SLC6A4: variants seen among roughly 807,000 people sequenced by gnomAD.
SLC6A4 encodes the protein solute carrier family 6 member 4, also known as sodium-dependent serotonin transporter.
A neutral mutation model predicts 73.4 loss-of-function variants in SLC6A4; 22 were observed. The observed-to-expected ratio is 0.30, with a 90% CI of 0.21 to 0.43. SLC6A4 has a LOEUF of 0.43. SLC6A4 is among the 20% of genes least tolerant of loss of function. The pLI is 1.00. For missense variants in SLC6A4, 593 were observed against 808.5 expected (o/e 0.73, Z 3.23); for synonymous variants, 270 against 315.5 (o/e 0.86, Z 1.53).
chr17:30,227,369 A>C (rs1282274827), intron 1 of SLC6A4, among the ~76,000 whole-genome samples: 1 of 151,950 alleles, frequency 6.6e-6, no homozygotes, highest in Non-Finnish European at 1.5e-5. Flanking sequence ...TTTTTTGGAC[A>C]AAAAGGGTAG....
intron 6 of SLC6A4, 67 bp downstream of exon 6, chr17:30,217,099 G>A: frequency 7.0e-7 from 1 of 1,431,090 alleles, no homozygotes; most frequent in Non-Finnish European, 9.7e-7. Context: ...CCAGGCTACT[G>A]GGTTTTGAGT....
At chr17:30,219,961 T>C (rs1359543900) in intron 3 of SLC6A4, among the ~76,000 whole-genome samples, 1 of 152,176 alleles carries the variant, frequency 6.6e-6, no homozygotes, top group Admixed American at 6.5e-5. Context: ...TTGATCAGCT[T>C]TACGCTGGGG....
At position 30,198,271 on chromosome 17, in the gene SLC6A4, G is replaced by T; in HGVS notation, c.*185C>A. 1 of 527,624 alleles carries T rather than the reference G, an allele frequency of 1.9e-6. No individual in the cohort carries two copies. Among genetic ancestry groups the T allele is most frequent in the Admixed American group, 3.6e-5 (1 of 27,428 alleles). 32.7% of individuals were successfully genotyped at this position (527,624 alleles called of 1,614,324 possible). A position where few individuals can be genotyped will look rare whatever the true frequency, so the allele number is the denominator to read the frequency against. ...GTCTACCATGGGAATATGTCCAGGG[G>T]AATCCATGGAAATAAGTGGCTGGAG... On this transcript the variant is annotated 3_prime_UTR_variant, in exon 15 of 15. Coordinates refer to ENST00000650711, the MANE Select transcript of SLC6A4 (RefSeq NM_001045.6).
rs763174560 is a variant in SLC6A4 at position 30,199,899 on chromosome 17, C to CT, written c.1819-1370dup. 1.7e-3 allele frequency among the ~76,000 whole-genome samples: 242 copies of CT among 142,138 alleles called. 1 individual carries two copies. The highest frequency in any genetic ancestry group is 0.011 in the Middle Eastern group (3 of 282). 93.2% of individuals were successfully genotyped at this position (142,138 alleles called of 152,430 possible). ...TAGACAGAGATCACTATAACGAGTC[C>CT]TTTTTTTTTTTTTTTAAGAGTCAGG... On this transcript the variant is annotated intron_variant, in intron 14 of 14. Transcript: ENST00000650711.
In SLC6A4 at chr17:30,216,229, A is replaced by G; in HGVS notation, c.838-13T>C. Reference sequence around the variant, plus strand: ...TCACCCACACCACCTGTAAGGAAGAAGGGTTATCACCATGCTGTTCCAGGG... The same window carrying G: ...TCACCCACACCACCTGTAAGGAAGAGGGGTTATCACCATGCTGTTCCAGGG... On this transcript the variant is annotated splice_polypyrimidine_tract_variant and intron_variant, in intron 6 of 14. Coordinates refer to ENST00000650711, the MANE Select transcript of SLC6A4 (RefSeq NM_001045.6). 8.6e-7 allele frequency: 1 copy of G among 1,168,582 alleles called. No individual in the cohort carries two copies. The highest frequency in any genetic ancestry group is 1.2e-6 in the Non-Finnish European group (1 of 852,960). 72.4% of individuals were successfully genotyped at this position (1,168,582 alleles called of 1,614,324 possible).
intron 8 of SLC6A4, 98 bp downstream of exon 8, chr17:30,215,513 G>C: frequency 1.0e-6 from 1 of 981,240 alleles, no homozygotes; most frequent in Non-Finnish European, 1.6e-6. Flanking sequence ...CCTAAGCCTG[G>C]CCAGATTCGA....
intron 13 of SLC6A4, among the ~76,000 whole-genome samples, chr17:30,207,477 T>A (rs1906243644): frequency 6.6e-6 from 1 of 152,156 alleles, no homozygotes; most frequent in South Asian, 2.1e-4. Context: ...AACCTCCGCC[T>A]CCTGGGTTCA....
chr17:30,213,575 T>A (rs2143014546), intron 8 of SLC6A4, among the ~76,000 whole-genome samples: 1 of 152,080 alleles, frequency 6.6e-6, no homozygotes, highest in East Asian at 1.9e-4. Flanking sequence ...AACTGCAGGG[T>A]GGTGTCCCAG....
chr17:30,231,168 C>T (rs187757748), intron 1 of SLC6A4, among the ~76,000 whole-genome samples: 27 of 152,052 alleles, frequency 1.8e-4, no homozygotes, highest in African/African-American at 5.1e-4. Context: ...GCTGTGGTTA[C>T]GTACAAGAAG....
chr17:30,210,573 C>T lies in SLC6A4; in HGVS notation c.1391G>A (p.Arg464Gln), dbSNP rs200180716. 2.1e-5 allele frequency: 34 copies of T among 1,613,730 alleles called. No individual in the cohort carries two copies. Among genetic ancestry groups the T allele is most frequent in the South Asian group, 9.9e-5 (9 of 91,040 alleles). The change falls in exon 11 of 15, where the codon CGG becomes CAG. Residue 464 changes from arginine to glutamine, a missense_variant. Physicochemically the swap from Arg to Gln is conservative, Grantham distance 43 (BLOSUM62 1). Transcript: ENST00000650711. ...GGTGATGACCACGGCGAGCACGAACCGCTCCCGGCGCTTGGCCCAGACGTG... is the reference window on the plus strand; with the variant it reads ...GGTGATGACCACGGCGAGCACGAACTGCTCCCGGCGCTTGGCCCAGACGTG... ...FPHVWAKRRE[R>Q]FVLAVVITCF... is the part of the protein sequence containing the mutation.
chr17:30,227,200 C>T (rs1490289891), intron 1 of SLC6A4, among the ~76,000 whole-genome samples: 1 of 152,232 alleles, frequency 6.6e-6, no homozygotes, highest in African/African-American at 2.4e-5. Flanking sequence ...AAAATGGGGG[C>T]TCACGTTTGC....
At chr17:30,218,439 G>A (rs1906649471) in intron 4 of SLC6A4, 102 bp from the exon 5 acceptor site, 1 of 840,864 alleles carries the variant, frequency 1.2e-6, no homozygotes, top group African/African-American at 1.7e-5. Context: ...CCCAGCAGAG[G>A]GGTACACGTG....
At chr17:30,229,141 A>G (rs1353553615) in intron 1 of SLC6A4, among the ~76,000 whole-genome samples, 1 of 152,216 alleles carries the variant, frequency 6.6e-6, no homozygotes, top group Non-Finnish European at 1.5e-5. Flanking sequence ...CTGCCTTAAC[A>G]GTCATTTTCA....
intron 10 of SLC6A4, 42 bp from the exon 11 acceptor site, chr17:30,210,688 C>A: frequency 6.3e-7 from 1 of 1,587,904 alleles, no homozygotes; most frequent in Non-Finnish European, 8.6e-7. Context: ...GGCTTTGGGA[C>A]AAGGCTGTGG....
chr17:30,230,096 GA>G (rs1907052514), intron 1 of SLC6A4, among the ~76,000 whole-genome samples: 1 of 112,072 alleles, frequency 8.9e-6, no homozygotes, highest in Non-Finnish European at 1.8e-5. Flanking sequence ...AGAAGAAGAA[GA>G]GGAGGAAGAG....
At chr17:30,205,985 T>C (rs1442847232) in intron 13 of SLC6A4, 1 of 152,174 alleles carries the variant, frequency 6.6e-6, no homozygotes, top group Non-Finnish European at 1.5e-5. Context: ...ATTTTTGTAT[T>C]TTTAGTAAAG....
intron 3 of SLC6A4, among the ~76,000 whole-genome samples, chr17:30,220,646 C>G (rs1165955331): frequency 2.0e-5 from 3 of 152,242 alleles, no homozygotes; most frequent in Non-Finnish European, 2.9e-5. Flanking sequence ...TGACCTCACA[C>G]AGGTCCAAAG....
intron 13 of SLC6A4, among the ~76,000 whole-genome samples, chr17:30,205,406 C>T (rs1906161740): frequency 6.6e-6 from 1 of 152,074 alleles, no homozygotes; most frequent in South Asian, 2.1e-4. Context: ...CTTTGAAAAA[C>T]AAATAAAAAT....
chr17:30,213,700 A>G (rs2143014561), intron 8 of SLC6A4, among the ~76,000 whole-genome samples: 1 of 151,956 alleles, frequency 6.6e-6, no homozygotes, highest in Non-Finnish European at 1.5e-5. Flanking sequence ...GCCATCTGTG[A>G]TCAATTAAAA....
Sources: gnomAD v4.1 joint callset for allele counts (sites outside exome capture counted in the v4.1 genomes callset) on GRCh38, gnomAD v4.1.1 for gene constraint, MANE v1.5 for transcripts, NCBI Gene and HGNC (gene_info 2026-07-23, HGNC 2026-07-21) for gene names.